Variants in TNRC6B observed in about 807,000 individuals in gnomAD.
TNRC6B encodes trinucleotide repeat-containing gene 6B protein.
In TNRC6B, 52 loss-of-function variants were observed where a neutral mutation model predicts 203.6. The ratio of observed to expected loss-of-function variants is 0.26; its 90% CI spans 0.20 to 0.32. The LOEUF is 0.32. Among genes scored for constraint, TNRC6B ranks in the 10% least tolerant of loss-of-function variants. The probability of loss-of-function intolerance (pLI) is 1.00; values close to 1 mark genes in which losing one functional copy is unlikely to be tolerated. For missense variants in TNRC6B, 1,923 were observed against 2,286.2 expected (o/e 0.84, Z 3.24); for synonymous variants, 838 against 845.7 (o/e 0.99, Z 0.16).
intron 1 of TNRC6B, among the ~76,000 whole-genome samples, chr22:40,111,658 G>C (rs929908267): frequency 6.6e-6 from 1 of 152,186 alleles, no homozygotes; most frequent in Admixed American, 6.5e-5. Flanking sequence ...ACGCTTTGGG[G>C]GAGGGTTGTT....
Position 40,262,070 on chromosome 22 carries a change from T to C in TNRC6B, c.354T>C (p.Leu118=). The change falls in exon 4 of 23, where the codon CTT becomes CTC. Residue 118 remains leucine (L), a synonymous_variant. Coordinates refer to ENST00000454349, the MANE Select transcript of TNRC6B (RefSeq NM_001162501.2). The part of the protein sequence containing the change: ...GQPPPPSCML[L]GGGAGPPPCT... ...CCCCTCCACCGTCCTGCATGCTCCTTGGGGGTGGGGCAGGGCCTCCTCCCT... is the reference window on the plus strand; with the variant it reads ...CCCCTCCACCGTCCTGCATGCTCCTCGGGGGTGGGGCAGGGCCTCCTCCCT... The C allele has an allele frequency of 6.3e-7, 1 of 1,581,392 alleles. No homozygotes were observed. Among genetic ancestry groups the C allele is most frequent in the Non-Finnish European group, 8.6e-7 (1 of 1,156,920 alleles).
intron 1 of TNRC6B, among the ~76,000 whole-genome samples, chr22:40,193,063 T>G (rs1033726652): frequency 6.6e-6 from 1 of 152,086 alleles, no homozygotes; most frequent in Non-Finnish European, 1.5e-5. Flanking sequence ...GCCCCAGCGG[T>G]CAGCTTGGGA....
At chr22:40,106,604 A>G in intron 1 of TNRC6B, 2 of 728,376 alleles carry the variant, frequency 2.7e-6, no homozygotes, top group Non-Finnish European at 2.5e-6. Context: ...ACGCTTGTAG[A>G]TAAGTTCATT....
intron 15 of TNRC6B, among the ~76,000 whole-genome samples, chr22:40,307,825 G>A (rs930607684): frequency 6.6e-6 from 1 of 151,980 alleles, no homozygotes; most frequent in Non-Finnish European, 1.5e-5. Context: ...ATACATACTA[G>A]TTATCCTCTT....
chr22:40,095,282 G>T (rs930073624), intron 1 of TNRC6B, among the ~76,000 whole-genome samples: 5 of 152,050 alleles, frequency 3.3e-5, no homozygotes, highest in Admixed American at 6.5e-5. Context: ...CAGAAAATTG[G>T]GAAATAAGTA....
At chr22:40,303,183 C>T (rs1157193653) in intron 15 of TNRC6B, among the ~76,000 whole-genome samples, 6 of 151,874 alleles carry the variant, frequency 4.0e-5, no homozygotes, top group Admixed American at 1.3e-4. Context: ...GCACATGCCA[C>T]CACTCCCAGC....
chr22:40,239,966 C>G (rs1303679568), intron 1 of TNRC6B, among the ~76,000 whole-genome samples: 1 of 151,848 alleles, frequency 6.6e-6, no homozygotes, highest in African/African-American at 2.4e-5. Flanking sequence ...GCCTCCCAAG[C>G]AGCTGGGTAG....
intron 1 of TNRC6B, among the ~76,000 whole-genome samples, chr22:40,225,908 T>C (rs562286752): frequency 6.6e-6 from 1 of 152,238 alleles, no homozygotes; most frequent in Non-Finnish European, 1.5e-5. Context: ...GACTTGGATG[T>C]CATTTTAAAT....
intron 1 of TNRC6B, among the ~76,000 whole-genome samples, chr22:40,058,833 C>T (rs2067823426): frequency 6.6e-6 from 1 of 152,046 alleles, no homozygotes; most frequent in Non-Finnish European, 1.5e-5. Flanking sequence ...TGGACTTTGA[C>T]CTTCTCATTT....
At chr22:40,231,395 C>T (rs2069867570) in intron 1 of TNRC6B, among the ~76,000 whole-genome samples, 1 of 152,136 alleles carries the variant, frequency 6.6e-6, no homozygotes, top group African/African-American at 2.4e-5. Context: ...CATCTCTTCA[C>T]TTACGTAGGT....
intron 3 of TNRC6B, among the ~76,000 whole-genome samples, chr22:40,259,377 C>T (rs1003420705): frequency 1.3e-5 from 2 of 152,114 alleles, no homozygotes; most frequent in Non-Finnish European, 2.9e-5. Flanking sequence ...GCGCATGCCA[C>T]CACGCCCAGC....
intron 1 of TNRC6B, among the ~76,000 whole-genome samples, chr22:40,237,961 T>G (rs979261831): frequency 6.6e-6 from 1 of 152,086 alleles, no homozygotes; most frequent in African/African-American, 2.4e-5. Context: ...ATATCCTGAT[T>G]GTGTCACAGG....
intron 1 of TNRC6B, among the ~76,000 whole-genome samples, chr22:40,115,458 A>G (rs79627284): frequency 1.8e-4 from 27 of 152,246 alleles, no homozygotes; most frequent in East Asian, 1.2e-3. Flanking sequence ...GCTAACTTCA[A>G]TTTTTACCAA....
intron 3 of TNRC6B, among the ~76,000 whole-genome samples, chr22:40,150,878 G>A (rs1405021200): frequency 6.6e-6 from 1 of 152,018 alleles, no homozygotes; most frequent in East Asian, 1.9e-4. Flanking sequence ...TAAATGGGCA[G>A]GTCCCTTCCT....
chr22:40,243,605 T>C (rs1304049097), intron 1 of TNRC6B, among the ~76,000 whole-genome samples: 2 of 152,186 alleles, frequency 1.3e-5, no homozygotes, highest in African/African-American at 2.4e-5. Context: ...TTCATTCATT[T>C]ATTTATTTTG....
intron 1 of TNRC6B, among the ~76,000 whole-genome samples, chr22:40,078,867 A>T (rs1331632421): frequency 1.3e-5 from 2 of 151,904 alleles, no homozygotes; most frequent in Non-Finnish European, 2.9e-5. Context: ...TGAAGTCAGG[A>T]GTTCAAGACC....
chr22:40,083,107 A>G (rs2068074239), intron 1 of TNRC6B, among the ~76,000 whole-genome samples: 1 of 152,168 alleles, frequency 6.6e-6, no homozygotes, highest in Non-Finnish European at 1.5e-5. Flanking sequence ...AGGGGGTTTG[A>G]TATTAAGTTC....
At chr22:40,271,372 G>A (rs1230633678) in intron 6 of TNRC6B, among the ~76,000 whole-genome samples, 1 of 152,166 alleles carries the variant, frequency 6.6e-6, no homozygotes, top group Non-Finnish European at 1.5e-5. Flanking sequence ...GATAAATTCT[G>A]TTAAGTTTAT....
intron 1 of TNRC6B, among the ~76,000 whole-genome samples, chr22:40,231,316 G>C (rs145679083): frequency 6.6e-6 from 1 of 152,036 alleles, no homozygotes; most frequent in Admixed American, 6.6e-5. Flanking sequence ...TAAAGATTTC[G>C]TTGAATCTAA....
Sources: allele counts gnomAD v4.1 joint callset (sites outside exome capture counted in the v4.1 genomes callset), GRCh38; gene constraint gnomAD v4.1.1; transcripts MANE v1.5; gene names NCBI Gene and HGNC (gene_info 2026-07-23, HGNC 2026-07-21).